FRAS1: variants seen among roughly 807,000 people sequenced by gnomAD.
FRAS1 encodes the protein Fraser extracellular matrix complex subunit 1, also known as extracellular matrix organizing protein FRAS1.
Under a neutral mutation model 435.2 loss-of-function variants are expected in FRAS1, and 290 were observed. That is an observed-to-expected ratio of 0.67 (90% CI 0.61 to 0.73). The LOEUF (loss-of-function observed/expected upper bound fraction) is 0.73. Ranked by LOEUF, FRAS1 falls within the 30% of genes least tolerant of loss-of-function variation. The pLI, the probability that FRAS1 is intolerant of heterozygous loss-of-function variation, is 0.00. For synonymous variants in FRAS1, 1,800 were observed against 1,851.0 expected (o/e 0.97, Z 0.71); for missense variants, 4,860 against 5,001.5 (o/e 0.97, Z 0.85).
At chr4:78,141,122 T>TGCCA (rs1446005776) in intron 2 of FRAS1, among the ~76,000 whole-genome samples, 1 of 152,134 alleles carries the variant, frequency 6.6e-6, no homozygotes, top group Non-Finnish European at 1.5e-5. Context: ...GGTATACATG[T>TGCCA]GCCATGGTGG....
intron 14 of FRAS1, among the ~76,000 whole-genome samples, chr4:78,302,722 A>C (rs1383601935): frequency 6.6e-6 from 1 of 151,386 alleles, no homozygotes; most frequent in Non-Finnish European, 1.5e-5. Context: ...TTTTCTTGTA[A>C]ATTTGTTTGA....
intron 2 of FRAS1, among the ~76,000 whole-genome samples, chr4:78,127,880 C>G (rs1442106054): frequency 6.6e-6 from 1 of 150,972 alleles, no homozygotes; most frequent in Non-Finnish European, 1.5e-5. Flanking sequence ...TTAGGTATAT[C>G]TCCTAATGCT....
chr4:78,499,966 G>A (rs1385011163), intron 61 of FRAS1, 45 bp downstream of exon 61: 11 of 1,376,992 alleles, frequency 8.0e-6, no homozygotes, highest in African/African-American at 2.9e-5. Context: ...CTTAATAGAG[G>A]GGCAAAAATC....
chr4:78,407,933 T>G, intron 31 of FRAS1, 92 bp downstream of exon 31: 2 of 1,106,426 alleles, frequency 1.8e-6, no homozygotes, highest in Non-Finnish European at 2.5e-6. Flanking sequence ...TTTCTGCAGT[T>G]GACAGGAAAT....
intron 25 of FRAS1, among the ~76,000 whole-genome samples, chr4:78,375,438 C>A (rs923001970): frequency 6.6e-6 from 1 of 152,206 alleles, no homozygotes; most frequent in Non-Finnish European, 1.5e-5. Flanking sequence ...GGAAGCGTAC[C>A]TAGAAAGAGT....
At chr4:78,498,664 A>G (rs1348540599) in intron 60 of FRAS1, among the ~76,000 whole-genome samples, 1 of 152,176 alleles carries the variant, frequency 6.6e-6, no homozygotes, top group East Asian at 1.9e-4. Flanking sequence ...AAATAAATAC[A>G]GAAAGTAGAA....
At chr4:78,235,482 G>A (rs1332257557) in intron 2 of FRAS1, among the ~76,000 whole-genome samples, 2 of 152,150 alleles carry the variant, frequency 1.3e-5, no homozygotes, top group Non-Finnish European at 2.9e-5. Context: ...GTTGACTAAG[G>A]AAAACAGGGT....
chr4:78,088,305 G>A (rs1041579768), intron 2 of FRAS1, among the ~76,000 whole-genome samples: 13 of 152,182 alleles, frequency 8.5e-5, no homozygotes, highest in African/African-American at 3.1e-4. Flanking sequence ...TTAGATGTTA[G>A]ACCTAAAACC....
intron 29 of FRAS1, among the ~76,000 whole-genome samples, chr4:78,393,187 T>G (rs1176493318): frequency 6.6e-6 from 1 of 152,032 alleles, no homozygotes; most frequent in Non-Finnish European, 1.5e-5. Context: ...CTGCTTTGTT[T>G]ACTAATTTTA....
chr4:78,218,619 A>G (rs1235413502), intron 2 of FRAS1, among the ~76,000 whole-genome samples: 1 of 152,162 alleles, frequency 6.6e-6, no homozygotes, highest in Non-Finnish European at 1.5e-5. Context: ...GAATGTTTGG[A>G]TCCACTGTCA....
chr4:78,263,810 A>G (rs1356156980), intron 6 of FRAS1, among the ~76,000 whole-genome samples: 2 of 152,220 alleles, frequency 1.3e-5, no homozygotes, highest in Non-Finnish European at 2.9e-5. Context: ...TGTCAATTTA[A>G]TTCTAGTGGT....
chr4:78,400,638 T>A (rs570742458), intron 29 of FRAS1, 96 bp from the exon 30 acceptor site: 4 of 1,240,500 alleles, frequency 3.2e-6, no homozygotes, highest in African/African-American at 1.5e-5. Context: ...TATTAGACGA[T>A]CTTTAACAAC....
chr4:78,104,383 T>C (rs560959514), intron 2 of FRAS1, among the ~76,000 whole-genome samples: 5 of 152,306 alleles, frequency 3.3e-5, no homozygotes, highest in South Asian at 4.1e-4. Context: ...AAACACAACC[T>C]TGGCAGATGG....
chr4:78,116,876 A>T (rs1743226462), intron 2 of FRAS1, among the ~76,000 whole-genome samples: 1 of 152,136 alleles, frequency 6.6e-6, no homozygotes, highest in Admixed American at 6.5e-5. Flanking sequence ...TGTCATTATG[A>T]TGTTAGCTGG....
At chr4:78,166,808 G>A (rs1395651143) in intron 2 of FRAS1, among the ~76,000 whole-genome samples, 6 of 152,124 alleles carry the variant, frequency 3.9e-5, no homozygotes, top group African/African-American at 7.2e-5. Flanking sequence ...GAAAAAAAAT[G>A]TGTGATACTC....
intron 18 of FRAS1, 133 bp from the exon 19 acceptor site, chr4:78,333,139 G>C: frequency 1.0e-6 from 1 of 973,444 alleles, no homozygotes; most frequent in Non-Finnish European, 1.4e-6. Flanking sequence ...GAGATGTGCA[G>C]CCTGTCATTG....
At chr4:78,181,672 A>G in intron 2 of FRAS1, 1 of 1,609,442 alleles carries the variant, frequency 6.2e-7, no homozygotes, top group South Asian at 1.1e-5. Context: ...CTGGTCTTCT[A>G]TCAATTATTT....
Position 78,057,907 on chromosome 4 carries a change from C to T in FRAS1, c.-103C>T. On this transcript the variant is annotated 5_prime_UTR_variant, in exon 1 of 74. Transcript: ENST00000512123. This position sits in a 1 kb window ranked among gnomAD's most constrained non-coding sequence, Gnocchi z 4.2. The stretch of plus-strand genomic sequence containing the variant: ...GGAGGTAAAGGCCCGCGGTCCCCCA[C>T]CTTCAGTGCGCCCGGGTTCCAAGCG... 9.4e-7 allele frequency: 1 copy of T among 1,067,448 alleles called. No homozygotes were observed. The highest frequency in any genetic ancestry group is 2.4e-5 in the East Asian group (1 of 42,160). The allele number at this position is 1,067,448 out of a possible 1,614,324, so 66.1% of individuals were successfully genotyped here.
intron 20 of FRAS1, among the ~76,000 whole-genome samples, chr4:78,340,218 T>C (rs1251952888): frequency 6.6e-6 from 1 of 152,086 alleles, no homozygotes; most frequent in Non-Finnish European, 1.5e-5. Flanking sequence ...GAAGAGAAGG[T>C]CCTACCAAAA....
Sources: allele counts gnomAD v4.1 joint callset (sites outside exome capture counted in the v4.1 genomes callset), GRCh38; gene constraint gnomAD v4.1.1; non-coding constraint Gnocchi (gnomAD v3.1); transcripts MANE v1.5; gene names NCBI Gene and HGNC (gene_info 2026-07-23, HGNC 2026-07-21).